The following CDH13 variants were observed in gnomAD, a reference collection of about 807,000 sequenced individuals.
CDH13 encodes the protein cadherin-13.
CDH13 carries 24 observed loss-of-function variants against 63.8 expected under a neutral mutation model. That is an observed-to-expected ratio of 0.38 (90% CI 0.27 to 0.53). The LOEUF (loss-of-function observed/expected upper bound fraction) is 0.53. Among genes scored for constraint, CDH13 ranks in the 20% least tolerant of loss-of-function variants. CDH13 has a pLI of 0.85. For missense variants in CDH13, 1,049 were observed against 903.1 expected (o/e 1.16, Z -2.07); for synonymous variants, 503 against 355.3 (o/e 1.42, Z -4.67).
At chr16:82,668,656 G>GA (rs1384546085) in intron 1 of CDH13, among the ~76,000 whole-genome samples, 1 of 152,168 alleles carries the variant, frequency 6.6e-6, no homozygotes, top group African/African-American at 2.4e-5. Flanking sequence ...TAAGGTCTGG[G>GA]AGTCTGTGTT....
chr16:83,763,373 A>T (rs1914130321), intron 11 of CDH13, among the ~76,000 whole-genome samples: 1 of 152,182 alleles, frequency 6.6e-6, no homozygotes, highest in South Asian at 2.1e-4. Flanking sequence ...CAGCTGATTC[A>T]AAATTGAAAT....
At chr16:83,649,134 G>A (rs180928537) in intron 8 of CDH13, among the ~76,000 whole-genome samples, 1 of 152,182 alleles carries the variant, frequency 6.6e-6, no homozygotes, top group Admixed American at 6.5e-5. Flanking sequence ...TTCCCCTCAG[G>A]TGTGGCAGTG....
At chr16:83,315,984 G>T (rs1261570523) in intron 5 of CDH13, among the ~76,000 whole-genome samples, 2 of 152,170 alleles carry the variant, frequency 1.3e-5, no homozygotes, top group African/African-American at 4.8e-5. Flanking sequence ...ATTTATAAAG[G>T]AAAGAGGTTT....
In CDH13 at chr16:82,762,659, C is replaced by A. The variant is rs368672514; in HGVS notation, c.46-95703C>A. On this transcript the variant is annotated intron_variant, in intron 1 of 13. Coordinates refer to ENST00000567109, the MANE Select transcript of CDH13 (RefSeq NM_001257.5). ...TTCCATGACTGTTTATTAAAATCCC[C>A]TGGCCAAACAGTGGGCGTACTGGAC... is the stretch of plus-strand genomic sequence containing the variant. 3.5e-4 allele frequency among the ~76,000 whole-genome samples: 53 copies of A among 152,292 alleles called. No individual in the cohort carries two copies. The South Asian group carries it at 9.8e-3, about 28-fold the overall frequency.
intron 4 of CDH13, among the ~76,000 whole-genome samples, chr16:83,202,518 T>C (rs970666420): frequency 3.3e-5 from 5 of 152,174 alleles, no homozygotes; most frequent in African/African-American, 4.8e-5. Context: ...ATCCTTCCAA[T>C]GAAGGCACAT....
chr16:82,835,622 C>T (rs557672734), intron 1 of CDH13, among the ~76,000 whole-genome samples: 1 of 152,150 alleles, frequency 6.6e-6, no homozygotes, highest in East Asian at 1.9e-4. Context: ...TGCATACAGT[C>T]CTATGCTCCC....
At chr16:83,648,714 C>CA (rs1804857136) in intron 8 of CDH13, among the ~76,000 whole-genome samples, 1 of 152,112 alleles carries the variant, frequency 6.6e-6, no homozygotes, top group Admixed American at 6.5e-5. Flanking sequence ...ATTTCTTGTG[C>CA]AAAAATCGAG....
chr16:83,233,886 C>T (rs1391223043), intron 5 of CDH13, among the ~76,000 whole-genome samples: 1 of 152,190 alleles, frequency 6.6e-6, no homozygotes. Flanking sequence ...TACCTACCAC[C>T]ACACTCCTTG....
At chr16:82,821,079 C>G (rs1243995165) in intron 1 of CDH13, among the ~76,000 whole-genome samples, 1 of 152,160 alleles carries the variant, frequency 6.6e-6, no homozygotes, top group African/African-American at 2.4e-5. Flanking sequence ...GAGGGATGGG[C>G]TCCTGTGGAA....
intron 6 of CDH13, among the ~76,000 whole-genome samples, chr16:83,411,418 G>A (rs777054027): frequency 1.3e-5 from 2 of 152,108 alleles, no homozygotes; most frequent in Non-Finnish European, 2.9e-5. Context: ...CTTCTTCATT[G>A]CTAGACCAAG....
At chr16:83,621,265 A>T (rs997750571) in intron 8 of CDH13, among the ~76,000 whole-genome samples, 4 of 152,206 alleles carry the variant, frequency 2.6e-5, no homozygotes, top group Non-Finnish European at 5.9e-5. Flanking sequence ...CAGCCATTAT[A>T]TGACTCTCCA....
chr16:83,051,058 A>G (rs1431711482), intron 3 of CDH13, among the ~76,000 whole-genome samples: 5 of 152,152 alleles, frequency 3.3e-5, no homozygotes, highest in Admixed American at 6.5e-5. Context: ...TTTTAAGTTT[A>G]TCTTTCTCCC....
chr16:83,667,562 A>G (rs1398114461), intron 8 of CDH13, among the ~76,000 whole-genome samples: 1 of 152,142 alleles, frequency 6.6e-6, no homozygotes, highest in African/African-American at 2.4e-5. Context: ...TGAGTCATCC[A>G]TTAGGCACCA....
At chr16:83,417,488 C>G (rs1323295956) in intron 6 of CDH13, among the ~76,000 whole-genome samples, 4 of 151,932 alleles carry the variant, frequency 2.6e-5, no homozygotes, top group African/African-American at 9.7e-5. Flanking sequence ...CGTGCTCTTG[C>G]CTTCTTGCCT....
chr16:83,364,457 C>T (rs1358626167), intron 6 of CDH13, among the ~76,000 whole-genome samples: 1 of 152,108 alleles, frequency 6.6e-6, no homozygotes, highest in African/African-American at 2.4e-5. Flanking sequence ...CAGATAAGGA[C>T]CTGAACCTAG....
intron 2 of CDH13, among the ~76,000 whole-genome samples, chr16:83,021,680 A>T (rs969057451): frequency 6.6e-6 from 1 of 152,210 alleles, no homozygotes; most frequent in Non-Finnish European, 1.5e-5. Flanking sequence ...TGAAGCATGG[A>T]ATGGAATTAA....
intron 3 of CDH13, among the ~76,000 whole-genome samples, chr16:83,046,294 A>G (rs910997127): frequency 6.6e-6 from 1 of 152,310 alleles, no homozygotes; most frequent in Non-Finnish European, 1.5e-5. Flanking sequence ...TTAATTAGGT[A>G]GGAAGTAGCA....
At chr16:83,368,135 G>T (rs532845155) in intron 6 of CDH13, among the ~76,000 whole-genome samples, 15 of 152,180 alleles carry the variant, frequency 9.9e-5, no homozygotes, top group Admixed American at 2.0e-4. Flanking sequence ...CTTTAAACTT[G>T]CTGGGAGCTC....
chr16:82,807,453 A>G (rs1025384788), intron 1 of CDH13, among the ~76,000 whole-genome samples: 4 of 152,172 alleles, frequency 2.6e-5, no homozygotes, highest in Admixed American at 6.5e-5. Context: ...AGAGGATTCC[A>G]AGATCAAGGG....
Sources: gnomAD v4.1 joint callset for allele counts (sites outside exome capture counted in the v4.1 genomes callset) on GRCh38, gnomAD v4.1.1 for gene constraint, MANE v1.5 for transcripts, NCBI Gene and HGNC (gene_info 2026-07-23, HGNC 2026-07-21) for gene names.